GPHN: variants seen among roughly 807,000 people sequenced by gnomAD.
GPHN encodes gephyrin.
GPHN carries 17 observed loss-of-function variants against 95.5 expected under a neutral mutation model. The observed-to-expected ratio is 0.18, with a 90% CI of 0.12 to 0.27. The LOEUF (loss-of-function observed/expected upper bound fraction) is 0.27. GPHN is among the 10% of genes least tolerant of loss of function. The pLI is 1.00. For synonymous variants in GPHN, 320 were observed against 322.5 expected (o/e 0.99, Z 0.08); for missense variants, 660 against 978.1 (o/e 0.67, Z 4.34).
At chr14:67,539,232 G>A in the GPHN span, among the ~76,000 whole-genome samples, 1 of 152,172 alleles carries the variant, frequency 6.6e-6, no homozygotes, top group Non-Finnish European at 1.5e-5. Flanking sequence ...ACAAGGTTCT[G>A]TTTTGTCTTT....
At chr14:66,646,107 A>G (rs2064729092) in intron 1 of GPHN, among the ~76,000 whole-genome samples, 2 of 152,176 alleles carry the variant, frequency 1.3e-5, no homozygotes, top group African/African-American at 2.4e-5. Context: ...TTCAACAGCA[A>G]CAAAAAAAAA....
chr14:67,207,250 TG>T, the GPHN span, among the ~76,000 whole-genome samples: 8 of 152,124 alleles, frequency 5.3e-5, no homozygotes, highest in African/African-American at 1.7e-4. Flanking sequence ...AGCACAATGC[TG>T]GCATCTGCTT....
chr14:67,150,302 G>A (rs2081178274), intron 18 of GPHN, among the ~76,000 whole-genome samples: 2 of 150,582 alleles, frequency 1.3e-5, no homozygotes, highest in Admixed American at 1.3e-4. Flanking sequence ...ATAGCCGGGC[G>A]TAGTGGCGGG....
At chr14:66,734,610 G>A (rs1401092017) in intron 2 of GPHN, among the ~76,000 whole-genome samples, 4 of 151,976 alleles carry the variant, frequency 2.6e-5, no homozygotes, top group African/African-American at 9.7e-5. Context: ...ATTTATCTTT[G>A]TTGTAGCTAT....
intron 2 of GPHN, among the ~76,000 whole-genome samples, chr14:66,771,608 G>A (rs889689372): frequency 1.3e-5 from 2 of 151,946 alleles, no homozygotes; most frequent in Non-Finnish European, 2.9e-5. Context: ...AAGTTTTAGG[G>A]TACATGTGCA....
At chr14:66,909,087 A>G (rs2065537488) in intron 5 of GPHN, among the ~76,000 whole-genome samples, 1 of 152,158 alleles carries the variant, frequency 6.6e-6, no homozygotes, top group Admixed American at 6.6e-5. Context: ...AATTGCCACA[A>G]AGGTTCCATA....
intron 11 of GPHN, among the ~76,000 whole-genome samples, chr14:67,070,923 CT>C (rs1567290628): frequency 6.6e-6 from 1 of 151,824 alleles, no homozygotes; most frequent in Non-Finnish European, 1.5e-5. Context: ...CAAATCAAAA[CT>C]ACAATGAGAC....
the GPHN span, chr14:67,332,962 A>G: frequency 6.3e-7 from 1 of 1,598,248 alleles, no homozygotes; most frequent in Admixed American, 1.7e-5. Context: ...GGTGAAAGAA[A>G]CATCCATTCT....
At chr14:67,094,881 T>C (rs146866106) in intron 12 of GPHN, among the ~76,000 whole-genome samples, 1 of 152,340 alleles carries the variant, frequency 6.6e-6, no homozygotes, top group African/African-American at 2.4e-5. Flanking sequence ...ATACTTAACA[T>C]TGTGTTACAG....
the GPHN span, chr14:67,659,617 T>C: frequency 4.6e-6 from 5 of 1,079,774 alleles, no homozygotes; most frequent in Non-Finnish European, 5.0e-6. Flanking sequence ...GTGAAAAAAA[T>C]GAAACAAGAG....
At chr14:67,477,812 C>G in the GPHN span, among the ~76,000 whole-genome samples, 173 of 152,288 alleles carry the variant, frequency 1.1e-3, 1 homozygote, top group African/African-American at 3.9e-3. Flanking sequence ...TTCCCCAAAA[C>G]CTGTTTCTCT....
chr14:66,584,741 C>G (rs141220866), intron 1 of GPHN, among the ~76,000 whole-genome samples: 1 of 152,122 alleles, frequency 6.6e-6, no homozygotes, highest in Non-Finnish European at 1.5e-5. Flanking sequence ...ATGAAGCCCA[C>G]TTGATCATGG....
intron 2 of GPHN, among the ~76,000 whole-genome samples, chr14:66,684,278 A>G (rs545598570): frequency 2.0e-4 from 30 of 152,314 alleles, no homozygotes; most frequent in South Asian, 1.9e-3. Context: ...AAATTAGGCT[A>G]AGGAAAACCC....
At chr14:67,193,575 CTATA>C in the GPHN span, among the ~76,000 whole-genome samples, 1 of 139,046 alleles carries the variant, frequency 7.2e-6, no homozygotes, top group Admixed American at 7.2e-5. Flanking sequence ...CTATATAGAT[CTATA>C]TATAGATATA....
At position 66,929,327 on chromosome 14, in the gene GPHN, G is replaced by C. The variant is rs144567656; in HGVS notation, c.828+5035G>C. Among the ~76,000 whole-genome samples the C allele has an allele frequency of 1.3e-3, 204 of 152,166 alleles. 1 individual carries two copies. Among genetic ancestry groups the C allele is most frequent in the Non-Finnish European group, 2.4e-3 (162 of 68,002 alleles). On this transcript the variant is annotated intron_variant, in intron 8 of 22. Coordinates refer to ENST00000478722, the MANE Select transcript of GPHN (RefSeq NM_020806.5). The stretch of plus-strand genomic sequence containing the variant: ...CCCAAAGTGCTGGAATTACAGGCCT[G>C]AGCTACCACGCCCAGCCTCAATGTT...
At chr14:67,161,797 G>A (rs2081995630) in intron 19 of GPHN, among the ~76,000 whole-genome samples, 1 of 152,094 alleles carries the variant, frequency 6.6e-6, no homozygotes, top group South Asian at 2.1e-4. Context: ...AGGGAAAGAA[G>A]CCAACACGAC....
chr14:66,586,973 A>C (rs1236213268), intron 1 of GPHN, among the ~76,000 whole-genome samples: 2 of 152,124 alleles, frequency 1.3e-5, no homozygotes, highest in African/African-American at 4.8e-5. Flanking sequence ...TGATTTTTTC[A>C]GAAGATAAAC....
At chr14:66,748,298 A>T (rs1022400854) in intron 2 of GPHN, among the ~76,000 whole-genome samples, 2 of 151,992 alleles carry the variant, frequency 1.3e-5, no homozygotes, top group Non-Finnish European at 2.9e-5. Flanking sequence ...TGGTATATGG[A>T]ATTATAATAA....
intron 4 of GPHN, among the ~76,000 whole-genome samples, chr14:66,851,949 A>G (rs2062602002): frequency 6.6e-6 from 1 of 152,186 alleles, no homozygotes; most frequent in African/African-American, 2.4e-5. Context: ...AAAGGGACAT[A>G]TGATTTTCTC....
Sources: allele counts gnomAD v4.1 joint callset (sites outside exome capture counted in the v4.1 genomes callset), GRCh38; gene constraint gnomAD v4.1.1; transcripts MANE v1.5; gene names NCBI Gene and HGNC (gene_info 2026-07-23, HGNC 2026-07-21).